The following EXOC4 variants were observed in gnomAD, a reference collection of about 807,000 sequenced individuals.
EXOC4 encodes exocyst complex component 4, also known as SEC8-like 1.
In EXOC4, 71 loss-of-function variants were observed where a neutral mutation model predicts 107.2. The observed-to-expected ratio is 0.66, with a 90% CI of 0.55 to 0.81. The LOEUF is 0.81. Ranked by LOEUF, EXOC4 falls within the 30% of genes least tolerant of loss-of-function variation. The pLI, the probability that EXOC4 is intolerant of heterozygous loss-of-function variation, is 0.00. For synonymous variants in EXOC4, 456 were observed against 441.2 expected (o/e 1.03, Z -0.42); for missense variants, 1,108 against 1,189.6 (o/e 0.93, Z 1.01).
At chr7:133,800,157 A>G (rs1197092061) in intron 10 of EXOC4, among the ~76,000 whole-genome samples, 3 of 151,506 alleles carry the variant, frequency 2.0e-5, no homozygotes, top group Non-Finnish European at 4.4e-5. Flanking sequence ...TGCTGGTGGC[A>G]TTAAGTTAGG....
In EXOC4 at chr7:133,384,202, C is replaced by T. The variant is rs192880778; in HGVS notation, c.1182+9200C>T. On this transcript the variant is annotated intron_variant, in intron 7 of 17. Coordinates refer to ENST00000253861, the MANE Select transcript of EXOC4 (RefSeq NM_021807.4). ...ATGTCATGGACATCTGAATACATTGCGGCAAACTTTAGAAAATAGTAGCTT... is the reference window on the plus strand; with the variant it reads ...ATGTCATGGACATCTGAATACATTGTGGCAAACTTTAGAAAATAGTAGCTT... Among the ~76,000 whole-genome samples, 5 of 152,140 alleles carry T rather than the reference C, an allele frequency of 3.3e-5. No individual in the cohort carries two copies. In the East Asian group the frequency reaches 5.8e-4, roughly 18 times the overall value.
At chr7:133,970,757 G>A (rs527595255) in intron 14 of EXOC4, among the ~76,000 whole-genome samples, 4 of 152,146 alleles carry the variant, frequency 2.6e-5, no homozygotes, top group African/African-American at 9.6e-5. Context: ...CGTTGATCTC[G>A]CTGGGAGCTA....
At chr7:133,683,175 C>G (rs996204843) in intron 10 of EXOC4, among the ~76,000 whole-genome samples, 40 of 152,146 alleles carry the variant, frequency 2.6e-4, no homozygotes, top group African/African-American at 9.2e-4. Context: ...TTGCATAGCT[C>G]ATTCTAGCTG....
chr7:134,021,154 G>A (rs2346442), intron 17 of EXOC4, among the ~76,000 whole-genome samples: 77,523 of 151,980 alleles, frequency 0.51, 20,759 homozygotes, highest in African/African-American at 0.66. Flanking sequence ...AGCTATCTAA[G>A]AGGAAACAAA....
At chr7:133,837,452 G>T (rs1319674684) in intron 11 of EXOC4, among the ~76,000 whole-genome samples, 1 of 152,198 alleles carries the variant, frequency 6.6e-6, no homozygotes, top group African/African-American at 2.4e-5. Flanking sequence ...AGAATAGGGA[G>T]TGGTAAAAGG....
chr7:134,060,270 G>A (rs994846640), intron 17 of EXOC4, among the ~76,000 whole-genome samples: 1 of 152,182 alleles, frequency 6.6e-6, no homozygotes, highest in African/African-American at 2.4e-5. Flanking sequence ...CCACAGCAAG[G>A]TGCACATCTC....
At chr7:133,525,145 A>T (rs1800055893) in intron 9 of EXOC4, among the ~76,000 whole-genome samples, 1 of 152,134 alleles carries the variant, frequency 6.6e-6, no homozygotes, top group African/African-American at 2.4e-5. Context: ...CTTCTGGGGT[A>T]CGTTAGGATG....
At chr7:133,435,952 T>G (rs374766137) in intron 7 of EXOC4, among the ~76,000 whole-genome samples, 83 of 152,270 alleles carry the variant, frequency 5.5e-4, no homozygotes, top group Middle Eastern at 3.4e-3. Context: ...AATATTTGGT[T>G]AGTTTCTTTT....
chr7:133,862,965 T>G (rs1798565891), intron 11 of EXOC4, among the ~76,000 whole-genome samples: 3 of 152,146 alleles, frequency 2.0e-5, no homozygotes, highest in Non-Finnish European at 4.4e-5. Flanking sequence ...ATCAGAATTA[T>G]TAGGGTTCAT....
At chr7:133,857,110 A>ATATG (rs1554410153) in intron 11 of EXOC4, among the ~76,000 whole-genome samples, 1 of 100,872 alleles carries the variant, frequency 9.9e-6, no homozygotes, top group Non-Finnish European at 1.9e-5. Context: ...ATATATATAT[A>ATATG]TGTGTATATA....
rs1457908727 is a variant in EXOC4 at position 133,356,544 on chromosome 7, G to A, written c.978G>A (p.Gly326=). 1.2e-6 allele frequency: 2 copies of A among 1,614,012 alleles called. No individual in the cohort carries two copies. The highest frequency in any genetic ancestry group is 1.7e-6 in the Non-Finnish European group (2 of 1,179,936). The change falls in exon 6 of 18, where the codon GGG becomes GGA. Residue 326 remains glycine, a synonymous_variant. Transcript: ENST00000253861. The part of the protein sequence containing the change: ...TQVADSGYQR[G]ENVTVENQPR... ...TGGCAGACAGTGGCTATCAGCGGGG[G>A]GAGAACGTTACTGTGGAGAACCAAC...
intron 10 of EXOC4, among the ~76,000 whole-genome samples, chr7:133,747,863 A>G (rs1253385376): frequency 6.6e-6 from 1 of 152,114 alleles, no homozygotes; most frequent in Admixed American, 6.6e-5. Flanking sequence ...AGCAAGAAAA[A>G]CACAACAGTC....
At chr7:133,557,811 C>T (rs146985279) in intron 9 of EXOC4, among the ~76,000 whole-genome samples, 6 of 152,058 alleles carry the variant, frequency 3.9e-5, no homozygotes, top group East Asian at 3.9e-4. Flanking sequence ...ACCAACATGG[C>T]GAAATCCCAT....
chr7:133,673,129 A>G (rs977129717), intron 10 of EXOC4, among the ~76,000 whole-genome samples: 2 of 152,086 alleles, frequency 1.3e-5, no homozygotes, highest in African/African-American at 4.8e-5. Context: ...TAGCCTCAGT[A>G]TTTCTTATTT....
intron 10 of EXOC4, among the ~76,000 whole-genome samples, chr7:133,724,408 G>T (rs1795172626): frequency 6.6e-6 from 1 of 152,102 alleles, no homozygotes; most frequent in South Asian, 2.1e-4. Flanking sequence ...CTCGTTTGCT[G>T]GGTGTTTTCA....
At chr7:134,008,571 C>A (rs1241583824) in intron 17 of EXOC4, among the ~76,000 whole-genome samples, 1 of 152,010 alleles carries the variant, frequency 6.6e-6, no homozygotes, top group Non-Finnish European at 1.5e-5. Context: ...CAATTGAAAC[C>A]CATCTCTTCT....
At chr7:133,437,420 C>T (rs889847227) in intron 7 of EXOC4, among the ~76,000 whole-genome samples, 1 of 152,080 alleles carries the variant, frequency 6.6e-6, no homozygotes, top group African/African-American at 2.4e-5. Context: ...TTCCCATTTT[C>T]GATTATCTGG....
chr7:134,012,371 T>A (rs1027951835), intron 17 of EXOC4, among the ~76,000 whole-genome samples: 3 of 152,090 alleles, frequency 2.0e-5, no homozygotes, highest in South Asian at 4.2e-4. Flanking sequence ...GGATGAGATA[T>A]GGTCAGATGA....
intron 17 of EXOC4, among the ~76,000 whole-genome samples, chr7:134,017,308 G>A (rs1313675656): frequency 6.6e-6 from 1 of 152,038 alleles, no homozygotes; most frequent in Non-Finnish European, 1.5e-5. Context: ...TTAAAATGCT[G>A]TTAAATCTCT....
Sources: gnomAD v4.1 joint callset for allele counts (sites outside exome capture counted in the v4.1 genomes callset) on GRCh38, gnomAD v4.1.1 for gene constraint, MANE v1.5 for transcripts, NCBI Gene and HGNC (gene_info 2026-07-23, HGNC 2026-07-21) for gene names.